Variants in SHF observed in about 807,000 individuals in gnomAD.
SHF encodes Src homology 2 domain containing F, also known as SH2 domain-containing adapter protein F.
In SHF, 30 loss-of-function variants were observed where a neutral mutation model predicts 42.4. That is an observed-to-expected ratio of 0.71 (90% CI 0.53 to 0.96). SHF has a LOEUF of 0.96. SHF is among the 40% of genes least tolerant of loss of function. The pLI is 0.00. For synonymous variants in SHF, 264 were observed against 269.9 expected, an observed-to-expected ratio of 0.98 and a Z score of 0.21; for missense variants, 598 against 634.0, an observed-to-expected ratio of 0.94 and a Z score of 0.61.
At position 45,175,326 on chromosome 15, in the gene SHF, G is replaced by GC. The variant is rs776109541; in HGVS notation, c.739dup (p.Ala247GlyfsTer13). 1.9e-6 allele frequency: 3 copies of GC among 1,605,406 alleles called. No homozygotes were observed. In the South Asian group the frequency reaches 3.4e-5, roughly 18 times the overall value. On this transcript the variant is annotated frameshift_variant, in exon 3 of 7. Transcript: ENST00000690270. LOFTEE classifies it high-confidence loss of function. Reference sequence around the variant, plus strand: ...CAGGCGGGACTCCCGGGGCCAGGGGGCCCCCTCACCTTCCGCGGTGGCCCC... The same window carrying GC: ...CAGGCGGGACTCCCGGGGCCAGGGGGCCCCCCTCACCTTCCGCGGTGGCCCC...
upstream of SHF, among the ~76,000 whole-genome samples, chr15:45,190,288 G>A (rs1044118783): frequency 6.6e-6 from 1 of 152,192 alleles, no homozygotes; most frequent in African/African-American, 2.4e-5. Flanking sequence ...GCAAAACGAA[G>A]CTGGACATAG....
intron 1 of SHF, among the ~76,000 whole-genome samples, chr15:45,181,750 G>A (rs191254124): frequency 2.6e-5 from 4 of 152,154 alleles, no homozygotes; most frequent in South Asian, 2.1e-4. Context: ...AGACTCTGGC[G>A]CAAAGGCCAA....
intron 2 of SHF, among the ~76,000 whole-genome samples, chr15:45,176,654 C>T (rs558171932): frequency 5.9e-5 from 9 of 152,216 alleles, no homozygotes; most frequent in Admixed American, 2.6e-4. Flanking sequence ...AAAGACCTTT[C>T]GCTTTGACAT....
chr15:45,171,769 G>T, intron 6 of SHF, 114 bp downstream of exon 6: 1 of 1,156,454 alleles, frequency 8.6e-7, no homozygotes, highest in Non-Finnish European at 1.2e-6. Context: ...CCCAGTGCCT[G>T]GGGATTGTTC....
Position 45,198,807 on chromosome 15 carries a change from T to C in SHF, c.268A>G (p.Ile90Val), listed in dbSNP as rs1489709913. 2.5e-6 allele frequency: 4 copies of C among 1,613,762 alleles called. No individual in the cohort carries two copies. In the African/African-American group the frequency reaches 4.0e-5, roughly 16 times the overall value. ...TCCAGCCTGTCCCTGAGTCTGATAATGCGCAGGCGCGTTGTACTCCGCCAG... is the reference window on the plus strand; with the variant it reads ...TCCAGCCTGTCCCTGAGTCTGATAACGCGCAGGCGCGTTGTACTCCGCCAG... Residue 90 changes from isoleucine (I) to valine (V), a missense_variant, in exon 2 of 8, where the codon ATT (isoleucine) becomes GTT (valine). By Grantham distance (29) the Ile-to-Val change is conservative (BLOSUM62 3). Transcript: ENST00000290894.
intron 2 of SHF, among the ~76,000 whole-genome samples, chr15:45,196,769 G>A (rs1898876180): frequency 6.6e-6 from 1 of 151,920 alleles, no homozygotes; most frequent in Admixed American, 6.6e-5. Context: ...CTTGGTGGCG[G>A]GCGCCTGTAG....
intron 6 of SHF, among the ~76,000 whole-genome samples, chr15:45,169,812 A>G (rs911597035): frequency 1.3e-5 from 2 of 152,236 alleles, no homozygotes; most frequent in Admixed American, 6.5e-5. Flanking sequence ...CCAAGGGTCC[A>G]TTAGGACACA....
chr15:45,190,302 T>C (rs1264717229), upstream of SHF, among the ~76,000 whole-genome samples: 1 of 152,134 alleles, frequency 6.6e-6, no homozygotes, highest in Non-Finnish European at 1.5e-5. Flanking sequence ...GACATAGAGA[T>C]GATAAATAGA....
At chr15:45,198,614 C>T (rs1198671134) in intron 2 of SHF, 21 of 861,370 alleles carry the variant, frequency 2.4e-5, no homozygotes, top group Admixed American at 6.0e-5. Flanking sequence ...AATGCCGTGA[C>T]TCGGATTCGA....
chr15:45,186,982 G>A lies in SHF; in HGVS notation c.498+472C>T, dbSNP rs929551709. Among the ~76,000 whole-genome samples, 57 of 152,346 alleles carry A rather than the reference G, an allele frequency of 3.7e-4. 1 individual carries two copies. Among genetic ancestry groups the A allele is most frequent in the Admixed American group, 1.4e-3 (21 of 15,312 alleles). ...TAGGCTGGAGAAACAGGAGGAGGAA[G>A]AGGAGGAGGAAGCAAAGAGGCAACA... is the stretch of plus-strand genomic sequence containing the variant. On this transcript the variant is annotated intron_variant, in intron 1 of 6. Coordinates refer to ENST00000690270, the MANE Select transcript of SHF (RefSeq NM_001394037.1).
Position 45,187,434 on chromosome 15 carries a change from C to A in SHF, c.498+20G>T. On this transcript the variant is annotated intron_variant, in intron 1 of 6. Transcript: ENST00000690270. ...TGACCGCCTTCCCTCCTGGCCATCC[C>A]GGCCCGGCGCGGCACTCACCCTATC... 8.1e-7 allele frequency: 1 copy of A among 1,231,886 alleles called. No homozygotes were observed. The highest frequency in any genetic ancestry group is 4.1e-5 in the South Asian group (1 of 24,340). 76.3% of individuals were successfully genotyped at this position (1,231,886 alleles called of 1,614,324 possible). A position where few individuals can be genotyped will look rare whatever the true frequency, so the allele number is the denominator to read the frequency against.
chr15:45,186,456 G>A (rs1173022973), intron 1 of SHF, among the ~76,000 whole-genome samples: 1 of 152,244 alleles, frequency 6.6e-6, no homozygotes, highest in Non-Finnish European at 1.5e-5. Flanking sequence ...CTGAGCTCTC[G>A]GGGTGAGTGA....
rs1391485739 is a variant in SHF, at chr15:45,167,913, G to T, written c.*34C>A. On this transcript the variant is annotated 3_prime_UTR_variant, in exon 7 of 7. Coordinates refer to ENST00000690270, the MANE Select transcript of SHF (RefSeq NM_001394037.1). Reference sequence around the variant, plus strand: ...CAGCCAGGTGATGGGCACAGGGCTGGGTACAGGTCTATCACAGTGCCCTGG... The same window carrying T: ...CAGCCAGGTGATGGGCACAGGGCTGTGTACAGGTCTATCACAGTGCCCTGG... 4.6e-6 allele frequency: 7 copies of T among 1,528,122 alleles called. No individual in the cohort carries two copies. The highest frequency in any genetic ancestry group is 6.2e-6 in the Non-Finnish European group (7 of 1,129,736). 94.7% of individuals were successfully genotyped at this position (1,528,122 alleles called of 1,614,324 possible). A position where few individuals can be genotyped will look rare whatever the true frequency, so the allele number is the denominator to read the frequency against.
intron 1 of SHF, among the ~76,000 whole-genome samples, chr15:45,186,057 AGACT>A (rs1898379211): frequency 6.6e-6 from 1 of 152,186 alleles, no homozygotes; most frequent in Non-Finnish European, 1.5e-5. Flanking sequence ...AGAGAGGAGG[AGACT>A]GACTGGTCAG....
chr15:45,178,958 C>T (rs554575932), intron 1 of SHF, among the ~76,000 whole-genome samples: 12 of 152,380 alleles, frequency 7.9e-5, no homozygotes, highest in East Asian at 7.7e-4. Context: ...CCATAGCTTA[C>T]ACCAGGTGGT....
At chr15:45,170,621 C>T (rs940545945) in intron 6 of SHF, 20 of 313,812 alleles carry the variant, frequency 6.4e-5, no homozygotes, top group Non-Finnish European at 1.0e-4. Context: ...GACTATAGTC[C>T]GGCACTTTTT....
chr15:45,171,718 C>G, intron 6 of SHF, 165 bp downstream of exon 6: 2 of 687,534 alleles, frequency 2.9e-6, no homozygotes, highest in East Asian at 2.7e-5. Flanking sequence ...GGACTCTGAG[C>G]TCCTTGAGAG....
Position 45,171,979 on chromosome 15 carries a change from C to T in SHF, c.1184G>A (p.Arg395Gln), listed in dbSNP as rs756769686. 13 of 1,613,824 alleles carry T rather than the reference C, an allele frequency of 8.1e-6. No individual in the cohort carries two copies. The highest frequency in any genetic ancestry group is 2.2e-5 in the East Asian group (1 of 44,882). Residue 395 changes from arginine to glutamine, a missense_variant, in exon 6 of 7, where the codon CGA becomes CAA. Physicochemically the swap from Arg to Gln is conservative, Grantham distance 43. Coordinates refer to ENST00000690270, the MANE Select transcript of SHF (RefSeq NM_001394037.1). Reference sequence around the variant, plus strand: ...CCGGAGCAGGTTCTCGGCGTCGGTTCGGCTGATGGCCCCGTGATACCAGCT... The same window carrying T: ...CCGGAGCAGGTTCTCGGCGTCGGTTTGGCTGATGGCCCCGTGATACCAGCT... Reference protein sequence around the residue: ...NQVWYHGAISRTDAENLLRLC... With the variant: ...NQVWYHGAISQTDAENLLRLC...
chr15:45,198,525 A>C (rs1898943659), intron 2 of SHF: 1 of 468,374 alleles, frequency 2.1e-6, no homozygotes, highest in African/African-American at 1.9e-5. Context: ...CGTTTCAAGA[A>C]AGTGAATTAC....
Sources: gnomAD v4.1 joint callset for allele counts (sites outside exome capture counted in the v4.1 genomes callset) on GRCh38, gnomAD v4.1.1 for gene constraint, MANE v1.5 for transcripts, NCBI Gene and HGNC (gene_info 2026-07-23, HGNC 2026-07-21) for gene names.